The following ZNF529 variants were observed in gnomAD, a reference collection of about 807,000 sequenced individuals.
The protein encoded by ZNF529 is zinc finger protein 529.
Under a neutral mutation model 10.1 loss-of-function variants are expected in ZNF529, and 11 were observed. The observed-to-expected ratio is 1.09, with a 90% CI of 0.69 to 1.81. The LOEUF (loss-of-function observed/expected upper bound fraction) is 1.81. Among genes scored for constraint, ZNF529 ranks in the 40% most tolerant of loss-of-function variants. The pLI is 0.00. For synonymous variants in ZNF529, 204 were observed against 215.7 expected, an observed-to-expected ratio of 0.95 and a Z score of 0.47; for missense variants, 624 against 666.8, an observed-to-expected ratio of 0.94 and a Z score of 0.71.
chr19:36,551,837 T>TA (rs1368081258), intron 4 of ZNF529: 1 of 152,200 alleles, frequency 6.6e-6, no homozygotes, highest in Non-Finnish European at 1.5e-5. Flanking sequence ...CCTTTATTCT[T>TA]ATACATATCA....
chr19:36,599,365 T>C (rs1417810556), intron 1 of ZNF529, among the ~76,000 whole-genome samples: 1 of 152,192 alleles, frequency 6.6e-6, no homozygotes, highest in Non-Finnish European at 1.5e-5. Flanking sequence ...AAGGTGTAAA[T>C]ACTCAGAATG....
chr19:36,553,289 C>T (rs1166543575), intron 4 of ZNF529, among the ~76,000 whole-genome samples: 2 of 152,130 alleles, frequency 1.3e-5, no homozygotes, highest in African/African-American at 4.8e-5. Context: ...GCACATGCCA[C>T]CATGCCCAGC....
chr19:36,589,399 ATTGC>A (rs995523343), intron 2 of ZNF529, among the ~76,000 whole-genome samples: 2 of 152,112 alleles, frequency 1.3e-5, no homozygotes, highest in African/African-American at 4.8e-5. Flanking sequence ...TGCAGAACTG[ATTGC>A]TTGCTTGCTG....
intron 2 of ZNF529, among the ~76,000 whole-genome samples, chr19:36,589,420 G>A (rs959329110): frequency 2.0e-5 from 3 of 152,126 alleles, no homozygotes; most frequent in Admixed American, 6.6e-5. Flanking sequence ...GCTGGTAGGG[G>A]GAAATCCCCA....
intron 2 of ZNF529, chr19:36,587,364 G>C (rs1050909541): frequency 6.6e-6 from 1 of 151,964 alleles, no homozygotes; most frequent in Non-Finnish European, 1.5e-5. Context: ...TTATTTTAAA[G>C]TGTTGGGAAG....
At chr19:36,599,050 T>C (rs1016711138) in intron 1 of ZNF529, among the ~76,000 whole-genome samples, 8 of 152,228 alleles carry the variant, frequency 5.3e-5, no homozygotes, top group African/African-American at 1.9e-4. Context: ...ACCCAAATAG[T>C]TAACAAATTG....
chr19:36,574,320 A>C (rs539973660), upstream of ZNF529, among the ~76,000 whole-genome samples: 2 of 152,318 alleles, frequency 1.3e-5, no homozygotes, highest in South Asian at 4.1e-4. Flanking sequence ...AGAGTTATTG[A>C]CGTAAGACTT....
chr19:36,547,909 G>GT lies in ZNF529; in HGVS notation c.648dup (p.Gln217ThrfsTer12). On this transcript the variant is annotated frameshift_variant, in exon 5 of 5. Transcript: ENST00000591340. LOFTEE classifies it low-confidence loss of function (END_TRUNC). ...TTCACACCAGTATGAATATTCAGTT[G>GT]TAACATACTGGAGTTATCTATCCCA... is the stretch of plus-strand genomic sequence containing the variant. 1 of 1,612,422 alleles carries GT rather than the reference G, an allele frequency of 6.2e-7. No homozygotes were observed.
intron 2 of ZNF529, among the ~76,000 whole-genome samples, chr19:36,584,494 C>T (rs760582556): frequency 5.9e-5 from 9 of 152,170 alleles, no homozygotes; most frequent in Admixed American, 3.3e-4. Context: ...AGGCCGGATG[C>T]GGTAGTTCAC....
chr19:36,566,440 A>T (rs2035899788), intron 2 of ZNF529, among the ~76,000 whole-genome samples: 1 of 152,146 alleles, frequency 6.6e-6, no homozygotes, highest in Non-Finnish European at 1.5e-5. Flanking sequence ...TTATCCCAAC[A>T]CTTTTGGGAA....
At chr19:36,567,579 T>C (rs1186796375) in intron 2 of ZNF529, among the ~76,000 whole-genome samples, 1 of 152,072 alleles carries the variant, frequency 6.6e-6, no homozygotes, top group Non-Finnish European at 1.5e-5. Context: ...GTAGCTGGGA[T>C]TACAGGTGCC....
intron 2 of ZNF529, among the ~76,000 whole-genome samples, chr19:36,583,382 A>T (rs1200411108): frequency 6.6e-6 from 1 of 152,124 alleles, no homozygotes; most frequent in Non-Finnish European, 1.5e-5. Context: ...TAATAAATAA[A>T]AATCCATACA....
chr19:36,551,402 G>T (rs1163377016), intron 4 of ZNF529, among the ~76,000 whole-genome samples: 1 of 152,074 alleles, frequency 6.6e-6, no homozygotes, highest in Non-Finnish European at 1.5e-5. Context: ...CATGGTATCA[G>T]TATATCAAAA....
At chr19:36,572,236 G>T in intron 2 of ZNF529, 97 bp downstream of exon 2, 1 of 1,287,466 alleles carries the variant, frequency 7.8e-7, no homozygotes, top group Non-Finnish European at 1.1e-6. Context: ...CATTTGGAAA[G>T]GCAATGGAGG....
rs118083606 is a variant in ZNF529, at chr19:36,602,040, C to T, written c.-128+3086G>A. 4.8e-3 allele frequency among the ~76,000 whole-genome samples: 652 copies of T among 136,772 alleles called. 2 individuals carry two copies. Among genetic ancestry groups the T allele is most frequent in the Non-Finnish European group, 7.3e-3 (464 of 63,856 alleles). The allele number at this position is 136,772 out of a possible 152,430, so 89.7% of individuals were successfully genotyped here. ...GGATTACAGGCGTGAGCCACTGCAC[C>T]TGAACGCTACAATTTTTTTTTTTTT... On this transcript the variant is annotated intron_variant, in intron 1 of 4. Coordinates refer to the ZNF529 transcript ENST00000585960.
At chr19:36,578,338 C>T (rs2036384844) in intron 2 of ZNF529, among the ~76,000 whole-genome samples, 1 of 101,992 alleles carries the variant, frequency 9.8e-6, no homozygotes, top group South Asian at 3.7e-4. Flanking sequence ...CGGAGTCTCA[C>T]TCTGTTGCCC....
chr19:36,570,884 T>C (rs756578204), intron 2 of ZNF529, among the ~76,000 whole-genome samples: 5 of 152,202 alleles, frequency 3.3e-5, no homozygotes, highest in Non-Finnish European at 4.4e-5. Context: ...TTAAATTCTC[T>C]AGGTTTATGT....
chr19:36,546,725 C>T lies in ZNF529; in HGVS notation c.*141G>A, dbSNP rs558124097. On this transcript the variant is annotated 3_prime_UTR_variant, in exon 5 of 5. Coordinates refer to ENST00000591340, the MANE Select transcript of ZNF529 (RefSeq NM_020951.5). Reference sequence around the variant, plus strand: ...TATCAGCTATGACTAAGCAATTCTACGTCTACATACAGAATGACCATGAAG... The same window carrying T: ...TATCAGCTATGACTAAGCAATTCTATGTCTACATACAGAATGACCATGAAG... The T allele has an allele frequency of 4.6e-5, 39 of 842,126 alleles. No individual in the cohort carries two copies. The highest frequency in any genetic ancestry group is 3.4e-4 in the Middle Eastern group (1 of 2,968). 52.2% of individuals were successfully genotyped at this position (842,126 alleles called of 1,614,324 possible). A position where few individuals can be genotyped will look rare whatever the true frequency, so the allele number is the denominator to read the frequency against.
At chr19:36,555,268 T>C (rs1040291263) in intron 3 of ZNF529, among the ~76,000 whole-genome samples, 2 of 152,234 alleles carry the variant, frequency 1.3e-5, no homozygotes, top group Non-Finnish European at 2.9e-5. Context: ...ATAATAACAA[T>C]TATTACTTCC....
Sources: allele counts gnomAD v4.1 joint callset (sites outside exome capture counted in the v4.1 genomes callset), GRCh38; gene constraint gnomAD v4.1.1; transcripts MANE v1.5; gene names NCBI Gene and HGNC (gene_info 2026-07-23, HGNC 2026-07-21).